The following TMEM94 variants were observed in gnomAD, a reference collection of about 807,000 sequenced individuals.
The protein encoded by TMEM94 is ER Mg2+ ATPase.
Under a neutral mutation model 158.6 loss-of-function variants are expected in TMEM94, and 81 were observed. The observed-to-expected ratio is 0.51, with a 90% CI of 0.43 to 0.61. The LOEUF (loss-of-function observed/expected upper bound fraction) is 0.61. Ranked by LOEUF, TMEM94 falls within the 20% of genes least tolerant of loss-of-function variation. The probability of loss-of-function intolerance (pLI) is 0.00; values close to 1 mark genes in which losing one functional copy is unlikely to be tolerated. For missense variants in TMEM94, 1,435 were observed against 1,762.0 expected (o/e 0.81, Z 3.32); for synonymous variants, 751 against 730.7 (o/e 1.03, Z -0.45).
In TMEM94 at chr17:75,499,006, C is replaced by T. The variant is rs779443555; in HGVS notation, c.3922C>T (p.Leu1308=). Residue 1308 remains leucine, a synonymous_variant, in exon 31 of 32, where the codon CTG becomes TTG. Coordinates refer to ENST00000314256, the MANE Select transcript of TMEM94 (RefSeq NM_014738.6). ...VHFGLEDVPL[L]TWLLGCLSLV... ...CTTTGGCCTGGAGGACGTGCCCCTGCTGACATGGCTCCTGGGCTGCCTGTC... is the reference window on the plus strand; with the variant it reads ...CTTTGGCCTGGAGGACGTGCCCCTGTTGACATGGCTCCTGGGCTGCCTGTC... 1 of 1,603,904 alleles carries T rather than the reference C, an allele frequency of 6.2e-7. No individual in the cohort carries two copies. The highest frequency in any genetic ancestry group is 1.7e-5 in the Admixed American group (1 of 59,870).
In TMEM94 at chr17:75,491,793, C is replaced by T; in HGVS notation, c.1489C>T (p.Pro497Ser). 3 of 1,614,076 alleles carry T rather than the reference C, an allele frequency of 1.9e-6. No homozygotes were observed. The highest frequency in any genetic ancestry group is 2.5e-6 in the Non-Finnish European group (3 of 1,180,024). The change falls in exon 14 of 32, where the codon CCC becomes TCC. Residue 497 changes from proline (P) to serine (S), a missense_variant. By Grantham distance (74) the Pro-to-Ser change is moderately conservative. Coordinates refer to ENST00000314256, the MANE Select transcript of TMEM94 (RefSeq NM_014738.6). The surrounding 1 kb of genome is among the most constrained non-coding windows in gnomAD (Gnocchi z 5.1). ...CTGGCCTGGCGAGGCTCCCAAGCCC[C>T]CCGAGCCCTATTCACACCACAAAGC... ...GDWPGEAPKP[P>S]EPYSHHKAHG...
chr17:75,496,045 C>G lies in TMEM94; in HGVS notation c.3024C>G (p.Asn1008Lys). 1 of 1,612,998 alleles carries G rather than the reference C, an allele frequency of 6.2e-7. No individual in the cohort carries two copies. Among genetic ancestry groups the G allele is most frequent in the Non-Finnish European group, 8.5e-7 (1 of 1,179,800 alleles). ...CCLGSSANLR[N>K]SCLFLQSDIS... ...TGGGCAGCTCTGCCAACCTGCGGAACAGCTGCCTCTTCCTCCAGAGCGACA... is the reference window on the plus strand; with the variant it reads ...TGGGCAGCTCTGCCAACCTGCGGAAGAGCTGCCTCTTCCTCCAGAGCGACA... Residue 1008 changes from asparagine to lysine, a missense_variant, in exon 23 of 32, where the codon AAC (asparagine) becomes AAG (lysine). Physicochemically the swap from Asn to Lys is moderately conservative, Grantham distance 94 (BLOSUM62 0). Around this residue, in one of 3 missense-constraint regions of TMEM94, gnomAD observed 49 missense variants for 98.5 expected, o/e 0.50. Coordinates refer to ENST00000314256, the MANE Select transcript of TMEM94 (RefSeq NM_014738.6).
intron 1 of TMEM94, among the ~76,000 whole-genome samples, chr17:75,457,107 G>C (rs1001195011): frequency 6.6e-6 from 1 of 152,106 alleles, no homozygotes; most frequent in African/African-American, 2.4e-5. Flanking sequence ...TATTTATTTC[G>C]AGGCCCCTGG....
chr17:75,466,654 T>G (rs1403794923), intron 1 of TMEM94, among the ~76,000 whole-genome samples: 1 of 151,962 alleles, frequency 6.6e-6, no homozygotes, highest in Non-Finnish European at 1.5e-5. Context: ...CCGTCTCTAC[T>G]AAAAATGCAA....
At chr17:75,474,206 C>T (rs963203513) in intron 2 of TMEM94, among the ~76,000 whole-genome samples, 7 of 151,860 alleles carry the variant, frequency 4.6e-5, no homozygotes, top group South Asian at 2.1e-4. Context: ...TATAAATGGA[C>T]TTATAAAGAT....
At chr17:75,464,641 T>C (rs2050229748) in intron 1 of TMEM94, among the ~76,000 whole-genome samples, 1 of 109,738 alleles carries the variant, frequency 9.1e-6, no homozygotes, top group Non-Finnish European at 2.0e-5. Flanking sequence ...CCTTCCTTCC[T>C]TCCTTCCTTC....
intron 2 of TMEM94, among the ~76,000 whole-genome samples, chr17:75,475,081 G>A (rs1334052938): frequency 1.3e-5 from 2 of 152,184 alleles, no homozygotes; most frequent in Non-Finnish European, 2.9e-5. Flanking sequence ...GCTCCCACCC[G>A]AGCAGTGCCT....
chr17:75,463,029 AAAAAAAAAATATATATATATATATAT>A, intron 1 of TMEM94, among the ~76,000 whole-genome samples: 1 of 11,336 alleles, frequency 8.8e-5, no homozygotes, highest in African/African-American at 5.3e-4. Flanking sequence ...AAAAAAAAAA[AAAAAAAAAATATATATATATATATAT>A]ATATATATAT....
intron 1 of TMEM94, among the ~76,000 whole-genome samples, chr17:75,463,176 G>GTATATATA (rs1377936337): frequency 0.26 from 2,293 of 8,756 alleles, 398 homozygotes; most frequent in Middle Eastern, 0.5. Flanking sequence ...GTGTGTGTGT[G>GTATATATA]TGTATATATA....
chr17:75,489,762 G>A lies in TMEM94; in HGVS notation c.954+100G>A. ...TGTCCCTCCCTCTCTGCAGCCCAGA[G>A]GTCCCCTCACGCTTCAGCTTAAGAA... On this transcript the variant is annotated intron_variant, in intron 9 of 31. Transcript: ENST00000314256. The surrounding 1 kb of genome is among the most constrained non-coding windows in gnomAD (Gnocchi z 5.0). The A allele has an allele frequency of 9.7e-7, 1 of 1,033,894 alleles. No individual in the cohort carries two copies. The highest frequency in any genetic ancestry group is 1.5e-6 in the Non-Finnish European group (1 of 672,290). The allele number at this position is 1,033,894 out of a possible 1,614,324, so 64.0% of individuals were successfully genotyped here. A position where few individuals can be genotyped will look rare whatever the true frequency, so the allele number is the denominator to read the frequency against.
chr17:75,496,879 G>A, intron 25 of TMEM94, 72 bp downstream of exon 25: 1 of 1,498,234 alleles, frequency 6.7e-7, no homozygotes, highest in Non-Finnish European at 9.3e-7. Context: ...CTGAAAATCT[G>A]AGGAAGGAGG....
rs557860668 is a variant in TMEM94, at chr17:75,488,277, C to G, written c.612+143C>G. ...GAGGCTCTGGAACATCTTCCTCCAC[C>G]CTGCTGTTCTTTTTTTTGAAACAGG... On this transcript the variant is annotated intron_variant, in intron 6 of 31. Transcript: ENST00000314256. 4.1e-6 allele frequency: 3 copies of G among 730,902 alleles called. No homozygotes were observed. In the East Asian group the frequency reaches 8.0e-5, roughly 20 times the overall value. The allele number at this position is 730,902 out of a possible 1,614,324, so 45.3% of individuals were successfully genotyped here. A position where few individuals can be genotyped will look rare whatever the true frequency, so the allele number is the denominator to read the frequency against.
At chr17:75,484,336 CAG>C (rs1225246982) in intron 2 of TMEM94, among the ~76,000 whole-genome samples, 2 of 141,328 alleles carry the variant, frequency 1.4e-5, no homozygotes, top group African/African-American at 5.1e-5. Flanking sequence ...CCCTCCCTGA[CAG>C]AGCTGGAAGG....
At chr17:75,490,939 C>T (rs1282999635) in intron 11 of TMEM94, 110 bp from the exon 12 acceptor site, 5 of 981,606 alleles carry the variant, frequency 5.1e-6, no homozygotes, top group Non-Finnish European at 7.8e-6. Flanking sequence ...CAGAGAAGTG[C>T]CTCTCCACCC....
In TMEM94 at chr17:75,491,912, G is replaced by T; in HGVS notation, c.1596+12G>T. 6.2e-7 allele frequency: 1 copy of T among 1,600,898 alleles called. No individual in the cohort carries two copies. The highest frequency in any genetic ancestry group is 8.5e-7 in the Non-Finnish European group (1 of 1,174,384). On this transcript the variant is annotated intron_variant, in intron 14 of 31. Transcript: ENST00000314256. This position sits in a 1 kb window ranked among gnomAD's most constrained non-coding sequence, Gnocchi z 5.1. ...AAGAGCCCAGCAAGGTGACGGGAGG[G>T]GGTGGCACGGGGCAGCCACACCCTC...
chr17:75,469,583 G>A (rs572356921), intron 1 of TMEM94, among the ~76,000 whole-genome samples: 5 of 148,514 alleles, frequency 3.4e-5, no homozygotes, highest in African/African-American at 7.4e-5. Flanking sequence ...GACCTCAAGT[G>A]ATCTGCCTGC....
chr17:75,472,503 G>A (rs922638822), intron 2 of TMEM94, among the ~76,000 whole-genome samples: 4 of 152,242 alleles, frequency 2.6e-5, no homozygotes, highest in Admixed American at 2.0e-4. Flanking sequence ...CTGCCCCAGA[G>A]GAAGTCCTTT....
At chr17:75,465,679 A>ATATATATATTTTTTT (rs1247855961) in intron 1 of TMEM94, among the ~76,000 whole-genome samples, 9 of 124,842 alleles carry the variant, frequency 7.2e-5, no homozygotes, top group Admixed American at 4.1e-4. Flanking sequence ...ATATATATAT[A>ATATATATATTTTTTT]TTTTTTTTTA....
In TMEM94 at chr17:75,495,156, TCTGATGTCC is replaced by T. The variant is rs2052564097; in HGVS notation, c.2729-124_2729-116del. On this transcript the variant is annotated intron_variant, in intron 20 of 31. Coordinates refer to ENST00000314256, the MANE Select transcript of TMEM94 (RefSeq NM_014738.6). This position sits in a 1 kb window ranked among gnomAD's most constrained non-coding sequence, Gnocchi z 5.6. ...TAAGTACATTCCCTTGGGAAATGGC[TCTGATGTCC>T]CTGCGGGAAACAGTAGTCAGCAGGA... 1.4e-6 allele frequency: 2 copies of T among 1,446,052 alleles called. No individual in the cohort carries two copies. Among genetic ancestry groups the T allele is most frequent in the Admixed American group, 4.3e-5 (2 of 46,208 alleles). 89.6% of individuals were successfully genotyped at this position (1,446,052 alleles called of 1,614,324 possible).
Sources: allele counts gnomAD v4.1 joint callset (sites outside exome capture counted in the v4.1 genomes callset), GRCh38; gene constraint gnomAD v4.1.1; regional missense constraint gnomAD v4.1.1; non-coding constraint Gnocchi (gnomAD v3.1); transcripts MANE v1.5; gene names NCBI Gene and HGNC (gene_info 2026-07-23, HGNC 2026-07-21).